Variants in PTPRD observed in about 807,000 individuals in gnomAD.
PTPRD encodes the protein protein tyrosine phosphatase receptor type D, also known as receptor-type tyrosine-protein phosphatase delta.
Under a neutral mutation model 214.5 loss-of-function variants are expected in PTPRD, and 34 were observed. The ratio of observed to expected loss-of-function variants is 0.16; its 90% confidence interval spans 0.12 to 0.21. The LOEUF (loss-of-function observed/expected upper bound fraction) is 0.21. Among genes scored for constraint, PTPRD ranks in the 10% least tolerant of loss-of-function variants. The pLI is 1.00. For synonymous variants in PTPRD, 1,128 were observed against 845.7 expected, an observed-to-expected ratio of 1.33 and a Z score of -5.79; for missense variants, 2,545 against 2,398.7, an observed-to-expected ratio of 1.06 and a Z score of -1.27.
intron 15 of PTPRD, 113 bp from the exon 16 acceptor site, chr9:8,527,466 T>C (rs895134489): frequency 6.9e-6 from 6 of 872,322 alleles, no homozygotes; most frequent in Admixed American, 2.2e-5. Flanking sequence ...TCATCTATGT[T>C]ACATGTGAAT....
At chr9:8,434,392 T>C (rs577464930) in intron 35 of PTPRD, among the ~76,000 whole-genome samples, 2 of 152,362 alleles carry the variant, frequency 1.3e-5, no homozygotes, top group East Asian at 1.9e-4. Context: ...CAATGGGCTA[T>C]ACCATATAGC....
At chr9:8,414,090 C>T (rs999896234) in intron 35 of PTPRD, among the ~76,000 whole-genome samples, 1 of 151,964 alleles carries the variant, frequency 6.6e-6, no homozygotes, top group Non-Finnish European at 1.5e-5. Flanking sequence ...AGGTAGGATA[C>T]ACAGCAACAA....
chr9:9,897,268 C>T (rs1447161106), intron 5 of PTPRD, among the ~76,000 whole-genome samples: 1 of 151,784 alleles, frequency 6.6e-6, no homozygotes, highest in African/African-American at 2.4e-5. Context: ...GCAAACAGTC[C>T]ACAGTTGACT....
At chr9:9,995,409 G>A (rs556455070) in intron 4 of PTPRD, among the ~76,000 whole-genome samples, 4 of 152,262 alleles carry the variant, frequency 2.6e-5, no homozygotes, top group South Asian at 2.1e-4. Context: ...TAATTCATGA[G>A]GTGTACATGT....
chr9:10,422,838 A>T (rs1044728558), intron 2 of PTPRD, among the ~76,000 whole-genome samples: 1 of 151,958 alleles, frequency 6.6e-6, no homozygotes, highest in Non-Finnish European at 1.5e-5. Context: ...GAAATAGGAA[A>T]GCTTTTACAC....
intron 10 of PTPRD, among the ~76,000 whole-genome samples, chr9:9,114,775 G>A (rs939200369): frequency 4.6e-5 from 7 of 152,114 alleles, no homozygotes; most frequent in African/African-American, 7.2e-5. Context: ...GCATTAGGGG[G>A]AGATGGCTTT....
intron 5 of PTPRD, among the ~76,000 whole-genome samples, chr9:9,791,196 G>A (rs1485407599): frequency 2.6e-5 from 4 of 152,018 alleles, no homozygotes; most frequent in African/African-American, 9.7e-5. Context: ...GGTTTTAAAA[G>A]ATTTTAGTTT....
At chr9:8,383,814 T>C (rs2086001980) in intron 37 of PTPRD, among the ~76,000 whole-genome samples, 1 of 152,154 alleles carries the variant, frequency 6.6e-6, no homozygotes, top group Non-Finnish European at 1.5e-5. Flanking sequence ...CAAGACAAGA[T>C]AAACATTGAG....
chr9:9,477,568 T>C (rs976136214), intron 8 of PTPRD, among the ~76,000 whole-genome samples: 3 of 152,204 alleles, frequency 2.0e-5, no homozygotes, highest in Non-Finnish European at 2.9e-5. Flanking sequence ...ATGAGGCTGG[T>C]GTTTTTTATC....
intron 21 of PTPRD, among the ~76,000 whole-genome samples, chr9:8,514,775 G>C (rs2097755230): frequency 6.6e-6 from 1 of 152,076 alleles, no homozygotes. Context: ...TAATGATTAG[G>C]CTCTGCGTCC....
chr9:10,553,868 G>C (rs1338395370), intron 2 of PTPRD, among the ~76,000 whole-genome samples: 3 of 152,154 alleles, frequency 2.0e-5, no homozygotes, highest in African/African-American at 7.2e-5. Context: ...ATATCTGTTA[G>C]ATTTATACAG....
At chr9:10,424,165 G>A (rs2098587431) in intron 2 of PTPRD, among the ~76,000 whole-genome samples, 1 of 151,914 alleles carries the variant, frequency 6.6e-6, no homozygotes, top group South Asian at 2.1e-4. Context: ...CTTTATGAAT[G>A]AAAATAGATT....
chr9:9,606,702 T>C (rs1487182871), intron 7 of PTPRD, among the ~76,000 whole-genome samples: 3 of 151,450 alleles, frequency 2.0e-5, no homozygotes, highest in African/African-American at 7.3e-5. Flanking sequence ...CACCAGGGGG[T>C]AATAGAATAC....
intron 5 of PTPRD, among the ~76,000 whole-genome samples, chr9:9,814,900 A>G (rs1159225903): frequency 6.6e-6 from 1 of 150,626 alleles, no homozygotes; most frequent in Non-Finnish European, 1.5e-5. Context: ...CCTGGGCTCA[A>G]GCGATCCTTT....
At chr9:9,324,007 A>G (rs1426555239) in intron 9 of PTPRD, among the ~76,000 whole-genome samples, 1 of 152,146 alleles carries the variant, frequency 6.6e-6, no homozygotes, top group East Asian at 1.9e-4. Context: ...TGTCCCTACA[A>G]AGGACATGAG....
intron 8 of PTPRD, among the ~76,000 whole-genome samples, chr9:9,417,332 A>T (rs2077289218): frequency 6.6e-6 from 1 of 152,122 alleles, no homozygotes; most frequent in African/African-American, 2.4e-5. Context: ...AACATCAATA[A>T]TTTTCCATTA....
intron 14 of PTPRD, among the ~76,000 whole-genome samples, chr9:8,577,227 T>G (rs2092507300): frequency 8.4e-6 from 1 of 119,012 alleles, no homozygotes; most frequent in Non-Finnish European, 2.0e-5. Context: ...TGAACTCTTT[T>G]ATTTTTTATT....
In PTPRD at chr9:9,654,051, G is replaced by A. The variant is rs1210533300; in HGVS notation, c.-286-79270C>T. 2.0e-5 allele frequency among the ~76,000 whole-genome samples: 3 copies of A among 152,212 alleles called. No individual in the cohort carries two copies. The East Asian group carries it at 5.8e-4, about 29-fold the overall frequency. ...AAAATTGAAACCTCACAAGACCACTGTCTTAGATCAAAGACTTCAGCTGAA... is the reference window on the plus strand; with the variant it reads ...AAAATTGAAACCTCACAAGACCACTATCTTAGATCAAAGACTTCAGCTGAA... On this transcript the variant is annotated intron_variant, in intron 7 of 45. Transcript: ENST00000381196.
intron 3 of PTPRD, among the ~76,000 whole-genome samples, chr9:10,275,765 G>A (rs117657248): frequency 0.048 from 7,347 of 152,236 alleles, 223 homozygotes; most frequent in Middle Eastern, 0.092. Flanking sequence ...AAATCAGAGA[G>A]ATGCAGCATA....
Sources: allele counts gnomAD v4.1 joint callset (sites outside exome capture counted in the v4.1 genomes callset), GRCh38; gene constraint gnomAD v4.1.1; transcripts MANE v1.5; gene names NCBI Gene and HGNC (gene_info 2026-07-23, HGNC 2026-07-21).